The following FDFT1 variants were observed in gnomAD, a reference collection of about 807,000 sequenced individuals.
The protein encoded by FDFT1 is squalene synthase.
Under a neutral mutation model 46.8 loss-of-function variants are expected in FDFT1, and 68 were observed. The ratio of observed to expected loss-of-function variants is 1.45; its 90% CI spans 1.19 to 1.78. FDFT1 has a LOEUF of 1.78. FDFT1 is among the 40% of genes most tolerant of loss of function. The pLI is 0.00. For missense variants in FDFT1, 928 were observed against 524.4 expected (o/e 1.77, Z -7.52); for synonymous variants, 351 against 185.1 (o/e 1.90, Z -7.28).
chr8:11,812,671 T>C (rs1456721512), intron 3 of FDFT1, among the ~76,000 whole-genome samples: 1 of 152,246 alleles, frequency 6.6e-6, no homozygotes, highest in Admixed American at 6.5e-5. Context: ...AATTTTTAGC[T>C]ACATATAGTA....
chr8:11,825,781 T>C (rs1233215051), intron 4 of FDFT1, among the ~76,000 whole-genome samples: 1 of 152,192 alleles, frequency 6.6e-6, no homozygotes, highest in Admixed American at 6.5e-5. Context: ...TGTAGAAATT[T>C]GGAAAATACA....
upstream of FDFT1, among the ~76,000 whole-genome samples, chr8:11,800,588 A>C (rs369441434): frequency 2.6e-5 from 4 of 152,214 alleles, no homozygotes; most frequent in Admixed American, 6.5e-5. Flanking sequence ...AACACCTTCA[A>C]ATAAGGAAGA....
chr8:11,803,113 C>T (rs891799748), intron 1 of FDFT1, 182 bp downstream of exon 1: 20 of 1,427,660 alleles, frequency 1.4e-5, no homozygotes, highest in African/African-American at 7.2e-5. Flanking sequence ...CGCGGCCGTC[C>T]TGGCTGACCT....
At position 11,808,583 on chromosome 8, in the gene FDFT1, C is replaced by T. The variant is rs369159185; in HGVS notation, c.100-211C>T. The T allele has an allele frequency of 1.6e-5, 22 of 1,387,358 alleles. No homozygotes were observed. The East Asian group carries it at 2.6e-4, about 16-fold the overall frequency. The allele number at this position is 1,387,358 out of a possible 1,614,324, so 85.9% of individuals were successfully genotyped here. A position where few individuals can be genotyped will look rare whatever the true frequency, so the allele number is the denominator to read the frequency against. On this transcript the variant is annotated intron_variant, in intron 1 of 7. Coordinates refer to ENST00000220584, the MANE Select transcript of FDFT1 (RefSeq NM_004462.5). Reference sequence around the variant, plus strand: ...TCAAGCGCACCTTGGTGCTGAGTCCCGCCGCGGCGCCCAGGGGCCCGGGCG... The same window carrying T: ...TCAAGCGCACCTTGGTGCTGAGTCCTGCCGCGGCGCCCAGGGGCCCGGGCG...
intron 5 of FDFT1, among the ~76,000 whole-genome samples, chr8:11,827,538 G>T (rs1810168018): frequency 6.6e-6 from 1 of 151,190 alleles, no homozygotes; most frequent in Non-Finnish European, 1.5e-5. Context: ...AAGTGACAGA[G>T]GGAAACAATA....
At chr8:11,810,933 TAA>T (rs71539744) in intron 3 of FDFT1, among the ~76,000 whole-genome samples, 9,143 of 89,378 alleles carry the variant, frequency 0.1, 449 homozygotes, top group East Asian at 0.34. Context: ...GAGCAATATT[TAA>T]AAAAAAAAAA....
intron 3 of FDFT1, among the ~76,000 whole-genome samples, chr8:11,814,682 T>G (rs944905592): frequency 6.6e-6 from 1 of 152,216 alleles, no homozygotes; most frequent in African/African-American, 2.4e-5. Context: ...ACATTAGGGC[T>G]TGGACTATGG....
intron 4 of FDFT1, among the ~76,000 whole-genome samples, chr8:11,825,519 G>T (rs1355082219): frequency 1.4e-5 from 2 of 143,550 alleles, no homozygotes; most frequent in African/African-American, 5.2e-5. Context: ...CAGCCCAGGG[G>T]ACAAAGTGAG....
At chr8:11,812,836 T>A (rs1442515664) in intron 3 of FDFT1, among the ~76,000 whole-genome samples, 1 of 152,212 alleles carries the variant, frequency 6.6e-6, no homozygotes, top group African/African-American at 2.4e-5. Flanking sequence ...CCAGTTCAAG[T>A]CAGGCTTTCT....
intron 3 of FDFT1, among the ~76,000 whole-genome samples, chr8:11,821,466 C>T (rs541707862): frequency 6.6e-6 from 1 of 152,292 alleles, no homozygotes; most frequent in Admixed American, 6.5e-5. Context: ...TGGTGCATGC[C>T]TGTAATGCCA....
intron 3 of FDFT1, among the ~76,000 whole-genome samples, chr8:11,815,950 T>A (rs1445237942): frequency 1.3e-5 from 2 of 152,248 alleles, no homozygotes; most frequent in Non-Finnish European, 2.9e-5. Context: ...CCCATGCCTA[T>A]GTCCTGAATG....
At chr8:11,829,844 GT>G (rs1810525988) in intron 5 of FDFT1, among the ~76,000 whole-genome samples, 1 of 146,692 alleles carries the variant, frequency 6.8e-6, no homozygotes, top group African/African-American at 2.6e-5. Flanking sequence ...GTTTTTTTTT[GT>G]TTTGTTTTGT....
intron 3 of FDFT1, among the ~76,000 whole-genome samples, chr8:11,816,523 T>G (rs1808477768): frequency 6.6e-6 from 1 of 152,222 alleles, no homozygotes; most frequent in Non-Finnish European, 1.5e-5. Flanking sequence ...TTCCATTTGT[T>G]TATGGCCTCT....
chr8:11,838,209 C>T (rs1811803864), intron 7 of FDFT1, among the ~76,000 whole-genome samples, 179 bp from the exon 8 acceptor site: 1 of 152,152 alleles, frequency 6.6e-6, no homozygotes. Flanking sequence ...TGAGCTGGGG[C>T]TGACATCCCC....
At position 11,809,252 on chromosome 8, in the gene FDFT1, C is replaced by T. The variant is rs951740897; in HGVS notation, c.197+361C>T. 1.7e-5 allele frequency: 19 copies of T among 1,150,188 alleles called. No homozygotes were observed. In the African/African-American group the frequency reaches 2.9e-4, roughly 18 times the overall value. 71.2% of individuals were successfully genotyped at this position (1,150,188 alleles called of 1,614,324 possible). On this transcript the variant is annotated intron_variant, in intron 2 of 7. Transcript: ENST00000220584. ...TGGGTTGATTCTTTTGAAGCTGCCTCTGTGCACATTACACCCATGAACTTA... is the reference window on the plus strand; with the variant it reads ...TGGGTTGATTCTTTTGAAGCTGCCTTTGTGCACATTACACCCATGAACTTA...
At chr8:11,828,973 A>G (rs974924925) in intron 5 of FDFT1, among the ~76,000 whole-genome samples, 7 of 152,272 alleles carry the variant, frequency 4.6e-5, no homozygotes, top group Admixed American at 1.3e-4. Context: ...ACATTTGCAT[A>G]TAAGTTTTTG....
intron 1 of FDFT1, among the ~76,000 whole-genome samples, chr8:11,805,619 C>G (rs1019437920): frequency 1.3e-5 from 2 of 152,186 alleles, no homozygotes; most frequent in African/African-American, 4.8e-5. Context: ...GATTTTTTAA[C>G]CACAACTTCC....
At chr8:11,808,322 G>T (rs1364528075) in intron 1 of FDFT1, 2 of 1,233,660 alleles carry the variant, frequency 1.6e-6, no homozygotes, top group Non-Finnish European at 2.0e-6. Context: ...GTTCTGGTGA[G>T]AAGGGCAACA....
rs140923983 is a variant in FDFT1 at position 11,811,462 on chromosome 8, C to G, written c.381+1612C>G. ...TTAGGTATTGCTAAGTCAAGGCAGC[C>G]CTATCCCCTCAGCAGAAGTGAGGGA... On this transcript the variant is annotated intron_variant, in intron 3 of 7. Coordinates refer to ENST00000220584, the MANE Select transcript of FDFT1 (RefSeq NM_004462.5). Among the ~76,000 whole-genome samples the G allele has an allele frequency of 2.6e-5, 4 of 152,170 alleles. 1 individual carries two copies. In the East Asian group the frequency reaches 7.8e-4, roughly 30 times the overall value.
Sources: gnomAD v4.1 joint callset for allele counts (sites outside exome capture counted in the v4.1 genomes callset) on GRCh38, gnomAD v4.1.1 for gene constraint, MANE v1.5 for transcripts, NCBI Gene and HGNC (gene_info 2026-07-23, HGNC 2026-07-21) for gene names.